The following SH3GL2 variants were observed in gnomAD, a reference collection of about 807,000 sequenced individuals.
SH3GL2 encodes SH3 domain containing GRB2 like 2, endophilin A1, also known as endophilin-A1.
Under a neutral mutation model 46.0 loss-of-function variants are expected in SH3GL2, and 24 were observed. That is an observed-to-expected ratio of 0.52 (90% CI 0.38 to 0.73). The LOEUF is 0.73. Ranked by LOEUF, SH3GL2 falls within the 30% of genes least tolerant of loss-of-function variation. The pLI, the probability that SH3GL2 is intolerant of heterozygous loss-of-function variation, is 0.00. For synonymous variants in SH3GL2, 196 were observed against 147.1 expected, an observed-to-expected ratio of 1.33 and a Z score of -2.40; for missense variants, 413 against 424.2, an observed-to-expected ratio of 0.97 and a Z score of 0.23.
intron 1 of SH3GL2, among the ~76,000 whole-genome samples, chr9:17,663,041 T>C (rs975201927): frequency 1.3e-5 from 2 of 152,184 alleles, no homozygotes; most frequent in African/African-American, 4.8e-5. Flanking sequence ...GGGGAAGATA[T>C]ATTCTAGTGG....
In SH3GL2 at chr9:17,697,680, T is replaced by C. The variant is rs190913349; in HGVS notation, c.46-49386T>C. ...AGACATCCACTAGTACATAACTTTG[T>C]CACTGAAACCATATCATTGCCCCCC... On this transcript the variant is annotated intron_variant, in intron 1 of 8. Transcript: ENST00000380607. Among the ~76,000 whole-genome samples the C allele has an allele frequency of 4.1e-3, 627 of 152,312 alleles. 7 individuals carry two copies. The highest frequency in any genetic ancestry group is 0.013 in the African/African-American group (527 of 41,570).
intron 1 of SH3GL2, among the ~76,000 whole-genome samples, chr9:17,591,636 C>T (rs1232861058): frequency 1.3e-5 from 2 of 152,134 alleles, no homozygotes; most frequent in East Asian, 1.9e-4. Context: ...TTGTGTAGTG[C>T]TGAGAGCACG....
At chr9:17,768,823 A>T (rs138764079) in intron 3 of SH3GL2, among the ~76,000 whole-genome samples, 1 of 152,144 alleles carries the variant, frequency 6.6e-6, no homozygotes, top group South Asian at 2.1e-4. Flanking sequence ...TTATATTTTC[A>T]TGCTACCTTT....
chr9:17,718,906 CCTT>C (rs997540262), intron 1 of SH3GL2, among the ~76,000 whole-genome samples: 8 of 152,136 alleles, frequency 5.3e-5, no homozygotes, highest in Middle Eastern at 3.4e-3. Context: ...AATCGATTTT[CCTT>C]CTTCTTCTGC....
At chr9:17,615,492 T>A (rs915533655) in intron 1 of SH3GL2, among the ~76,000 whole-genome samples, 1 of 151,756 alleles carries the variant, frequency 6.6e-6, no homozygotes, top group African/African-American at 2.4e-5. Context: ...CCGTCTCTAC[T>A]AAAAATACAA....
At chr9:17,693,314 C>T (rs1345738413) in intron 1 of SH3GL2, among the ~76,000 whole-genome samples, 1 of 152,078 alleles carries the variant, frequency 6.6e-6, no homozygotes, top group Admixed American at 6.6e-5. Flanking sequence ...AGCATTTCTT[C>T]TGCAACAGAA....
chr9:17,653,828 G>C (rs1820008461), intron 1 of SH3GL2: 1 of 968,802 alleles, frequency 1.0e-6, no homozygotes, highest in Non-Finnish European at 1.2e-6. Context: ...GAAGAAGACA[G>C]ATACTGCCTT....
intron 1 of SH3GL2, among the ~76,000 whole-genome samples, chr9:17,655,423 T>C (rs879777726): frequency 6.6e-6 from 1 of 152,112 alleles, no homozygotes; most frequent in Non-Finnish European, 1.5e-5. Context: ...AGTGATGATA[T>C]GCGCTGAGTC....
chr9:17,619,381 T>G (rs370630048), intron 1 of SH3GL2, among the ~76,000 whole-genome samples: 5 of 152,174 alleles, frequency 3.3e-5, no homozygotes, highest in Admixed American at 2.0e-4. Flanking sequence ...ACTACCTATT[T>G]AAAAGAATAG....
intron 3 of SH3GL2, among the ~76,000 whole-genome samples, chr9:17,776,968 G>T (rs1378520711): frequency 6.6e-6 from 1 of 152,172 alleles, no homozygotes; most frequent in East Asian, 1.9e-4. Context: ...GGATTGAACT[G>T]CCAAGAAAGA....
intron 1 of SH3GL2, among the ~76,000 whole-genome samples, chr9:17,591,556 T>C (rs1818481735): frequency 6.6e-6 from 1 of 152,192 alleles, no homozygotes; most frequent in Non-Finnish European, 1.5e-5. Flanking sequence ...GAAGGGTACA[T>C]TTGTATCAGT....
At chr9:17,757,496 G>C (rs1823031793) in intron 2 of SH3GL2, among the ~76,000 whole-genome samples, 1 of 152,156 alleles carries the variant, frequency 6.6e-6, no homozygotes, top group Non-Finnish European at 1.5e-5. Context: ...GTGGGCGAAG[G>C]ATATGAACAG....
chr9:17,688,854 G>A (rs1241375811), intron 1 of SH3GL2, among the ~76,000 whole-genome samples: 1 of 152,008 alleles, frequency 6.6e-6, no homozygotes, highest in East Asian at 1.9e-4. Context: ...ATAAATGGGG[G>A]AGAAGACACA....
chr9:17,675,243 C>T (rs932724017), intron 1 of SH3GL2, among the ~76,000 whole-genome samples: 1 of 152,148 alleles, frequency 6.6e-6, no homozygotes, highest in African/African-American at 2.4e-5. Context: ...TTGTATCTCT[C>T]ATAGCACATA....
intron 1 of SH3GL2, among the ~76,000 whole-genome samples, chr9:17,627,990 A>C (rs3808745): frequency 6.6e-6 from 1 of 152,048 alleles, no homozygotes; most frequent in Non-Finnish European, 1.5e-5. Flanking sequence ...GAGTGGTTGT[A>C]ATGATGAGTT....
intron 1 of SH3GL2, among the ~76,000 whole-genome samples, chr9:17,689,243 G>C (rs1429486111): frequency 6.6e-6 from 1 of 151,898 alleles, no homozygotes; most frequent in East Asian, 1.9e-4. Context: ...AAAACTTTCA[G>C]GGTCATCAAA....
At chr9:17,598,048 G>A (rs1490733770) in intron 1 of SH3GL2, among the ~76,000 whole-genome samples, 8 of 152,188 alleles carry the variant, frequency 5.3e-5, no homozygotes, top group Non-Finnish European at 2.9e-5. Flanking sequence ...TTTGTCACAG[G>A]TGCAGCAAAG....
intron 1 of SH3GL2, among the ~76,000 whole-genome samples, chr9:17,599,940 CT>C (rs796276528): frequency 1.8e-3 from 258 of 145,660 alleles, no homozygotes; most frequent in East Asian, 7.9e-3. Flanking sequence ...GACTGCCTAT[CT>C]TTTTTTTTTT....
intron 1 of SH3GL2, among the ~76,000 whole-genome samples, chr9:17,715,769 G>A (rs985472781): frequency 1.3e-5 from 2 of 151,890 alleles, no homozygotes; most frequent in African/African-American, 4.8e-5. Flanking sequence ...AATTGATAAT[G>A]CATTTCATAC....
Sources: allele counts gnomAD v4.1 joint callset (sites outside exome capture counted in the v4.1 genomes callset), GRCh38; gene constraint gnomAD v4.1.1; transcripts MANE v1.5; gene names NCBI Gene and HGNC (gene_info 2026-07-23, HGNC 2026-07-21).